The following ZFPM1 variants were observed in gnomAD, a reference collection of about 807,000 sequenced individuals.
ZFPM1 encodes the protein zinc finger protein ZFPM1.
ZFPM1 carries 28 observed loss-of-function variants against 46.3 expected under a neutral mutation model. That is an observed-to-expected ratio of 0.60 (90% CI 0.45 to 0.83). The LOEUF is 0.83. Ranked by LOEUF, ZFPM1 falls within the 40% of genes least tolerant of loss-of-function variation. The pLI is 0.00. For missense variants in ZFPM1, 1,878 were observed against 1,432.4 expected (o/e 1.31, Z -5.02); for synonymous variants, 957 against 675.9 (o/e 1.42, Z -6.45).
In ZFPM1 at chr16:88,534,399, C is replaced by A; in HGVS notation, c.2441C>A (p.Ala814Asp). ...PLPGAPAPAL[A>D]DYHECTACRV... ...CCCGGAGCCCCGGCACCGGCGCTGG[C>A]CGACTACCACGAGTGCACGGCCTGC... The change falls in exon 10 of 10, where the codon GCC (alanine) becomes GAC (aspartate). Residue 814 changes from alanine (A) to aspartate (D), a missense_variant. By Grantham distance (126) the Ala-to-Asp change is moderately radical (BLOSUM62 -2). Transcript: ENST00000319555. 1 of 1,476,166 alleles carries A rather than the reference C, an allele frequency of 6.8e-7. No homozygotes were observed. Among genetic ancestry groups the A allele is most frequent in the Non-Finnish European group, 8.9e-7 (1 of 1,119,820 alleles). The allele number at this position is 1,476,166 out of a possible 1,614,324, so 91.4% of individuals were successfully genotyped here.
At chr16:88,488,051 G>A (rs1387253784) in intron 2 of ZFPM1, among the ~76,000 whole-genome samples, 1 of 152,218 alleles carries the variant, frequency 6.6e-6, no homozygotes, top group East Asian at 1.9e-4. Flanking sequence ...TACTGCACAT[G>A]TGAGCTGGGT....
At chr16:88,501,540 G>A (rs539709009) in intron 3 of ZFPM1, among the ~76,000 whole-genome samples, 1 of 147,738 alleles carries the variant, frequency 6.8e-6, no homozygotes, top group Admixed American at 6.7e-5. Context: ...TGGGTGCGTG[G>A]GCCATCCCGC....
chr16:88,466,130 T>A (rs548445580), intron 1 of ZFPM1, among the ~76,000 whole-genome samples: 2 of 152,260 alleles, frequency 1.3e-5, no homozygotes, highest in African/African-American at 2.4e-5. Flanking sequence ...GAGTGACTCT[T>A]GAGAAATGAG....
intron 1 of ZFPM1, among the ~76,000 whole-genome samples, chr16:88,466,553 G>C (rs141794583): frequency 1.2e-4 from 19 of 152,334 alleles, no homozygotes; most frequent in Non-Finnish European, 2.4e-4. Context: ...AGAAAGGGCA[G>C]GGGACGGCTG....
intron 3 of ZFPM1, among the ~76,000 whole-genome samples, chr16:88,490,273 C>A (rs1052571191): frequency 6.6e-6 from 1 of 152,070 alleles, no homozygotes; most frequent in African/African-American, 2.4e-5. Flanking sequence ...AGGATGGTCT[C>A]GATCTCCTGA....
chr16:88,503,750 T>C (rs1402579261), intron 3 of ZFPM1, among the ~76,000 whole-genome samples: 1 of 152,174 alleles, frequency 6.6e-6, no homozygotes, highest in Non-Finnish European at 1.5e-5. Context: ...CCTCCGGGAC[T>C]CACATGGGGC....
rs150428767 is a variant in ZFPM1 at position 88,476,207 on chromosome 16, C to A, written c.41-9732C>A. On this transcript the variant is annotated intron_variant, in intron 1 of 9. Transcript: ENST00000319555. ...CAGGCTGAGACCCGAAGGCCCCTCG[C>A]GGGAACCAACCAAGCCTCCATCCCT... is the stretch of plus-strand genomic sequence containing the variant. 2.0e-3 allele frequency among the ~76,000 whole-genome samples: 301 copies of A among 152,160 alleles called. 1 individual carries two copies. Among genetic ancestry groups the A allele is most frequent in the African/African-American group, 5.9e-3 (244 of 41,534 alleles).
intron 3 of ZFPM1, among the ~76,000 whole-genome samples, chr16:88,510,541 T>C (rs1251971068): frequency 1.3e-5 from 2 of 152,252 alleles, no homozygotes; most frequent in Admixed American, 6.5e-5. Flanking sequence ...AGCGTGTTTG[T>C]TCTGGAAATG....
At chr16:88,496,622 C>T (rs1473300733) in intron 3 of ZFPM1, among the ~76,000 whole-genome samples, 1 of 151,870 alleles carries the variant, frequency 6.6e-6, no homozygotes, top group Non-Finnish European at 1.5e-5. Flanking sequence ...CAAAAGTCCC[C>T]ACCTGCCCTG....
chr16:88,534,154 C>G lies in ZFPM1; in HGVS notation c.2196C>G (p.Pro732=), dbSNP rs1341858650. The G allele has an allele frequency of 1.7e-5, 17 of 1,003,556 alleles. No homozygotes were observed. The highest frequency in any genetic ancestry group is 2.0e-5 in the Non-Finnish European group (17 of 845,206). The allele number at this position is 1,003,556 out of a possible 1,614,324, so 62.2% of individuals were successfully genotyped here. A position where few individuals can be genotyped will look rare whatever the true frequency, so the allele number is the denominator to read the frequency against. The change falls in exon 10 of 10, where the codon CCC becomes CCG. Residue 732 remains proline (P), a synonymous_variant. Coordinates refer to ENST00000319555, the MANE Select transcript of ZFPM1 (RefSeq NM_153813.3). ...CTGGGCCGGCCGCGCCCCCGGCCCC[C>G]TCTCCCGCCGCGCCTGTGCGCACGC... ...GPPGPAAPPA[P]SPAAPVRTRR...
intron 1 of ZFPM1, among the ~76,000 whole-genome samples, chr16:88,472,975 G>A (rs570728126): frequency 3.9e-5 from 6 of 152,356 alleles, no homozygotes; most frequent in East Asian, 1.9e-4. Flanking sequence ...CCAGGACGCC[G>A]CAGCCCTGGA....
intron 7 of ZFPM1, 132 bp from the exon 8 acceptor site, chr16:88,532,482 A>G: frequency 3.2e-6 from 3 of 945,400 alleles, no homozygotes; most frequent in Non-Finnish European, 4.7e-6. Context: ...GAGGAGGAGG[A>G]GGGGTTTAAA....
At chr16:88,460,730 G>A (rs934760145) in intron 1 of ZFPM1, among the ~76,000 whole-genome samples, 7 of 152,178 alleles carry the variant, frequency 4.6e-5, no homozygotes, top group African/African-American at 1.7e-4. Context: ...TAACAGGGCT[G>A]GTATACAGTA....
chr16:88,454,823 G>A (rs1019568054), intron 1 of ZFPM1, among the ~76,000 whole-genome samples: 5 of 152,174 alleles, frequency 3.3e-5, no homozygotes, highest in Admixed American at 6.5e-5. Flanking sequence ...AGGCCACGAC[G>A]GAAACCCGCC....
At chr16:88,502,777 T>C (rs745578756) in intron 3 of ZFPM1, among the ~76,000 whole-genome samples, 4 of 152,258 alleles carry the variant, frequency 2.6e-5, no homozygotes, top group African/African-American at 4.8e-5. Context: ...ATGTCAAAGA[T>C]GGCAAGCCAT....
chr16:88,521,906 A>G (rs1280633992), intron 4 of ZFPM1: 1 of 146,438 alleles, frequency 6.8e-6, no homozygotes, highest in East Asian at 2.0e-4. Context: ...GCCCCCTCGT[A>G]TCCACACCCT....
chr16:88,534,104 CGACCGGCCGCGCCCCCGGGACCCCCTG>C lies in ZFPM1; in HGVS notation c.2148_2174del (p.Gly722_Pro730del), dbSNP rs755221421. The C allele has an allele frequency of 5.9e-5, 69 of 1,171,260 alleles. No individual in the cohort carries two copies. The highest frequency in any genetic ancestry group is 1.3e-4 in the Admixed American group (4 of 30,648). 72.6% of individuals were successfully genotyped at this position (1,171,260 alleles called of 1,614,324 possible). Reference sequence around the variant, plus strand: ...CTCGCGCCACGACCCGCCGCCGCGCCGACCGGCCGCGCCCCCGGGACCCCCTGGGCCGGCCGCGCCCCCGGCCCCCTC... The same window carrying C: ...CTCGCGCCACGACCCGCCGCCGCGCCGGCCGGCCGCGCCCCCGGCCCCCTC... On this transcript the variant is annotated inframe_deletion, in exon 10 of 10. Coordinates refer to ENST00000319555, the MANE Select transcript of ZFPM1 (RefSeq NM_153813.3).
Position 88,532,673 on chromosome 16 carries a change from G to C in ZFPM1, c.1006G>C (p.Glu336Gln). The change falls in exon 8 of 10, where the codon GAG (glutamate) becomes CAG (glutamine). Residue 336 changes from glutamate (E) to glutamine (Q), a missense_variant. By Grantham distance (29) the Glu-to-Gln change is conservative. Transcript: ENST00000319555. Reference protein sequence around the residue: ...LSAFTTKANCERHLKVHTDTL... With the variant: ...LSAFTTKANCQRHLKVHTDTL... ...GGCCTTCACCACCAAGGCCAACTGCGAGCGGCACCTCAAGGTGCACACGGA... is the reference window on the plus strand; with the variant it reads ...GGCCTTCACCACCAAGGCCAACTGCCAGCGGCACCTCAAGGTGCACACGGA... The C allele has an allele frequency of 6.2e-7, 1 of 1,605,082 alleles. No individual in the cohort carries two copies. The highest frequency in any genetic ancestry group is 8.5e-7 in the Non-Finnish European group (1 of 1,176,160).
intron 1 of ZFPM1, among the ~76,000 whole-genome samples, chr16:88,462,363 C>CA (rs1414509594): frequency 6.6e-6 from 1 of 152,236 alleles, no homozygotes; most frequent in African/African-American, 2.4e-5. Flanking sequence ...GCCTTACGGG[C>CA]ATCCCCGTTC....
Sources: allele counts gnomAD v4.1 joint callset (sites outside exome capture counted in the v4.1 genomes callset), GRCh38; gene constraint gnomAD v4.1.1; transcripts MANE v1.5; gene names NCBI Gene and HGNC (gene_info 2026-07-23, HGNC 2026-07-21).